The following DPP10 variants were observed in gnomAD, a reference collection of about 807,000 sequenced individuals.
DPP10 encodes the protein inactive dipeptidyl peptidase 10.
DPP10 carries 33 observed loss-of-function variants against 120.9 expected under a neutral mutation model. That is an observed-to-expected ratio of 0.27 (90% CI 0.21 to 0.37). The LOEUF (loss-of-function observed/expected upper bound fraction) is 0.37, where lower values mean the gene tolerates loss of function less well. Among genes scored for constraint, DPP10 ranks in the 10% least tolerant of loss-of-function variants. The pLI is 1.00. For synonymous variants in DPP10, 337 were observed against 326.1 expected (o/e 1.03, Z -0.36); for missense variants, 816 against 942.8 (o/e 0.87, Z 1.76).
intron 5 of DPP10, among the ~76,000 whole-genome samples, chr2:115,557,143 G>A (rs2080264144): frequency 6.6e-6 from 1 of 152,056 alleles, no homozygotes; most frequent in South Asian, 2.1e-4. Context: ...CATGAAATAT[G>A]TCTGTGGGTG....
chr2:115,757,698 A>G (rs1679598979), intron 11 of DPP10, among the ~76,000 whole-genome samples: 1 of 152,100 alleles, frequency 6.6e-6, no homozygotes, highest in African/African-American at 2.4e-5. Context: ...CCAGCAATAT[A>G]AATAGAGGAT....
chr2:115,725,516 A>T (rs868376743), intron 7 of DPP10, among the ~76,000 whole-genome samples: 8 of 152,228 alleles, frequency 5.3e-5, no homozygotes, highest in Admixed American at 6.5e-5. Context: ...AGCAGATGTC[A>T]GTTTCATATG....
At chr2:115,052,193 C>T (rs554387344) in intron 1 of DPP10, among the ~76,000 whole-genome samples, 3 of 152,106 alleles carry the variant, frequency 2.0e-5, no homozygotes, top group African/African-American at 7.2e-5. Context: ...ATGGATCAAA[C>T]GCCTAAATGT....
chr2:115,094,835 G>T (rs1160419127), intron 1 of DPP10, among the ~76,000 whole-genome samples: 2 of 152,100 alleles, frequency 1.3e-5, no homozygotes, highest in African/African-American at 4.8e-5. Flanking sequence ...TTTAACTTAC[G>T]AGGGTTTAAA....
intron 3 of DPP10, among the ~76,000 whole-genome samples, chr2:115,384,626 G>GA (rs2066751804): frequency 1.4e-5 from 2 of 145,070 alleles, no homozygotes; most frequent in African/African-American, 5.3e-5. Flanking sequence ...GGAAGAAGAA[G>GA]AGGAAGAAGA....
intron 2 of DPP10, among the ~76,000 whole-genome samples, chr2:115,332,809 T>C (rs2062837697): frequency 6.6e-6 from 1 of 152,210 alleles, no homozygotes; most frequent in African/African-American, 2.4e-5. Context: ...ATAATTTCTG[T>C]TCTTTTACAT....
intron 7 of DPP10, among the ~76,000 whole-genome samples, chr2:115,707,462 A>ACACACACACACACT (rs1491330284): frequency 1.5e-5 from 2 of 134,356 alleles, no homozygotes; most frequent in African/African-American, 6.0e-5. Context: ...ACACACACAC[A>ACACACACACACACT]CTCTCTCCAC....
At chr2:114,787,203 G>A (rs1477899341) in intron 1 of DPP10, among the ~76,000 whole-genome samples, 1 of 152,182 alleles carries the variant, frequency 6.6e-6, no homozygotes, top group African/African-American at 2.4e-5. Context: ...TAAATGACAA[G>A]TTTCCAGCCT....
chr2:115,200,147 C>T (rs1293923830), intron 1 of DPP10, among the ~76,000 whole-genome samples: 1 of 152,136 alleles, frequency 6.6e-6, no homozygotes, highest in African/African-American at 2.4e-5. Context: ...GAAAATTTAA[C>T]AGTGCAACAA....
intron 1 of DPP10, among the ~76,000 whole-genome samples, chr2:114,555,896 C>A (rs1029443998): frequency 6.6e-6 from 1 of 151,990 alleles, no homozygotes; most frequent in Non-Finnish European, 1.5e-5. Context: ...ATCCTCAAGG[C>A]ACAAGTAACA....
rs2061792188 is a variant in DPP10 at position 115,316,336 on chromosome 2, G to GTA, written c.175+6983_175+6984insTA. Among the ~76,000 whole-genome samples, 4 of 152,254 alleles carry GTA rather than the reference G, an allele frequency of 2.6e-5. No individual in the cohort carries two copies. The East Asian group carries it at 7.7e-4, about 29-fold the overall frequency. ...TCATAATCCTTGTAATATAAGTTAAGACATATTCTTGTGCCCATGGATGAT... is the reference window on the plus strand; with the variant it reads ...TCATAATCCTTGTAATATAAGTTAAGTAACATATTCTTGTGCCCATGGATGAT... On this transcript the variant is annotated intron_variant, in intron 2 of 25. Transcript: ENST00000410059.
chr2:115,601,519 G>A (rs2083319020), intron 5 of DPP10, among the ~76,000 whole-genome samples: 1 of 152,012 alleles, frequency 6.6e-6, no homozygotes, highest in Non-Finnish European at 1.5e-5. Flanking sequence ...TATTAAAATT[G>A]ACCACAGTGA....
At chr2:115,825,550 A>T (rs1024672691) in intron 21 of DPP10, among the ~76,000 whole-genome samples, 10 of 152,062 alleles carry the variant, frequency 6.6e-5, no homozygotes, top group African/African-American at 2.4e-4. Context: ...ATCTTTCTTT[A>T]ATTTGGAATT....
chr2:114,628,670 T>C (rs911664009), intron 1 of DPP10, among the ~76,000 whole-genome samples: 1 of 152,110 alleles, frequency 6.6e-6, no homozygotes, highest in Admixed American at 6.6e-5. Context: ...TTTCTTGAGA[T>C]AAACTGCACA....
chr2:115,132,239 T>C (rs1052285343), intron 1 of DPP10, among the ~76,000 whole-genome samples: 5 of 152,154 alleles, frequency 3.3e-5, no homozygotes, highest in Non-Finnish European at 1.5e-5. Flanking sequence ...CCAAGGTTTC[T>C]GTTATGTAGA....
At chr2:115,541,161 ATTAG>A (rs2079147712) in intron 5 of DPP10, among the ~76,000 whole-genome samples, 1 of 151,926 alleles carries the variant, frequency 6.6e-6, no homozygotes, top group Non-Finnish European at 1.5e-5. Context: ...ACCTGTATTT[ATTAG>A]TTATTCACTT....
rs140835808 is a variant in DPP10, at chr2:115,056,621, A to G, written c.61-252618A>G. ...TGATCCTCTAATTTAAACCCCCAAA[A>G]GTGCTGGGATCAGAGGCATAAGCCA... On this transcript the variant is annotated intron_variant, in intron 1 of 25. Coordinates refer to ENST00000410059, the MANE Select transcript of DPP10 (RefSeq NM_020868.6). 9.7e-4 allele frequency among the ~76,000 whole-genome samples: 148 copies of G among 152,216 alleles called. 3 individuals are homozygous for G. Among genetic ancestry groups the G allele is most frequent in the Admixed American group, 8.1e-3 (124 of 15,288 alleles).
At chr2:114,944,912 C>G (rs1697232975) in intron 1 of DPP10, among the ~76,000 whole-genome samples, 1 of 152,090 alleles carries the variant, frequency 6.6e-6, no homozygotes, top group Non-Finnish European at 1.5e-5. Context: ...TAGAACAAAA[C>G]AGCTTAGAAA....
chr2:115,464,905 C>G (rs182249363), intron 3 of DPP10, among the ~76,000 whole-genome samples: 1 of 152,158 alleles, frequency 6.6e-6, no homozygotes, highest in Non-Finnish European at 1.5e-5. Flanking sequence ...TCCATAATCT[C>G]AAGTCTAAAA....
Sources: gnomAD v4.1 joint callset for allele counts (sites outside exome capture counted in the v4.1 genomes callset) on GRCh38, gnomAD v4.1.1 for gene constraint, MANE v1.5 for transcripts, NCBI Gene and HGNC (gene_info 2026-07-23, HGNC 2026-07-21) for gene names.